Variants in THEMIS observed in about 807,000 individuals in gnomAD.
THEMIS encodes the protein protein THEMIS.
A neutral mutation model predicts 52.6 loss-of-function variants in THEMIS; 37 were observed. The observed-to-expected ratio is 0.70, with a 90% confidence interval of 0.54 to 0.93. THEMIS has a LOEUF of 0.93. Ranked by LOEUF, THEMIS falls within the 40% of genes least tolerant of loss-of-function variation. THEMIS has a pLI of 0.00. For missense variants in THEMIS, 808 were observed against 763.1 expected, an observed-to-expected ratio of 1.06 and a Z score of -0.69; for synonymous variants, 292 against 272.7, an observed-to-expected ratio of 1.07 and a Z score of -0.70.
chr6:127,702,646 C>A, the THEMIS span, among the ~76,000 whole-genome samples: 5 of 148,902 alleles, frequency 3.4e-5, no homozygotes, highest in African/African-American at 7.5e-5. Context: ...TCATATTAAT[C>A]ATTGTATTAG....
intron 1 of THEMIS, chr6:127,868,558 C>T: frequency 1.2e-6 from 1 of 802,346 alleles, no homozygotes; most frequent in Non-Finnish European, 1.5e-6. Context: ...TTAAAGTGAC[C>T]AGCTCAGGTG....
intron 4 of THEMIS, among the ~76,000 whole-genome samples, chr6:127,806,803 A>C (rs1777725013): frequency 6.6e-6 from 1 of 152,206 alleles, no homozygotes; most frequent in Non-Finnish European, 1.5e-5. Context: ...CAGAAGCACA[A>C]AAAGAGCTTG....
At chr6:127,777,145 A>G (rs1776592298) in intron 4 of THEMIS, among the ~76,000 whole-genome samples, 1 of 150,544 alleles carries the variant, frequency 6.6e-6, no homozygotes, top group Admixed American at 6.6e-5. Flanking sequence ...CATCTACATT[A>G]AAGTGGTTAT....
intron 4 of THEMIS, among the ~76,000 whole-genome samples, chr6:127,798,494 T>C (rs1472414094): frequency 2.0e-5 from 3 of 152,204 alleles, no homozygotes; most frequent in African/African-American, 7.2e-5. Flanking sequence ...AGTAGTTCTC[T>C]TTCTTCAGAT....
intron 4 of THEMIS, among the ~76,000 whole-genome samples, chr6:127,738,042 A>C (rs1173462481): frequency 6.6e-6 from 1 of 152,112 alleles, no homozygotes; most frequent in African/African-American, 2.4e-5. Context: ...GTTTTGTTCT[A>C]CTTATAACTA....
chr6:127,882,982 C>T (rs1049944604), intron 1 of THEMIS, among the ~76,000 whole-genome samples: 1 of 151,918 alleles, frequency 6.6e-6, no homozygotes, highest in Non-Finnish European at 1.5e-5. Flanking sequence ...TCATATAATA[C>T]ATAATTCACT....
rs551811954 is a variant in THEMIS, at chr6:127,733,082, G to A, written c.1759-13259C>T. Reference sequence around the variant, plus strand: ...AATTTGCATTTCCCAGATGACTGATGAGATTAAATAACTTTTCAATGTTAT... The same window carrying A: ...AATTTGCATTTCCCAGATGACTGATAAGATTAAATAACTTTTCAATGTTAT... On this transcript the variant is annotated intron_variant, in intron 4 of 5. Transcript: ENST00000368248. Among the ~76,000 whole-genome samples the A allele has an allele frequency of 3.9e-5, 6 of 152,276 alleles. 1 individual carries two copies. The highest frequency in any genetic ancestry group is 1.4e-4 in the African/African-American group (6 of 41,548).
chr6:127,854,168 G>A (rs1205256717), intron 2 of THEMIS, among the ~76,000 whole-genome samples: 1 of 151,706 alleles, frequency 6.6e-6, no homozygotes, highest in Non-Finnish European at 1.5e-5. Flanking sequence ...TACAGCAGAG[G>A]TCAGCAAACT....
intron 4 of THEMIS, among the ~76,000 whole-genome samples, chr6:127,810,808 T>C (rs1161122518): frequency 6.6e-6 from 1 of 151,858 alleles, no homozygotes; most frequent in South Asian, 2.1e-4. Flanking sequence ...CCAAAGAGAT[T>C]ATCTTCTTCT....
chr6:127,784,570 A>G (rs1583273801), intron 4 of THEMIS, among the ~76,000 whole-genome samples: 1 of 152,244 alleles, frequency 6.6e-6, no homozygotes, highest in East Asian at 1.9e-4. Context: ...TTCATACACG[A>G]CACAAAGCAG....
chr6:127,801,344 G>C (rs987429722), intron 4 of THEMIS, among the ~76,000 whole-genome samples: 10 of 152,116 alleles, frequency 6.6e-5, no homozygotes, highest in Non-Finnish European at 1.5e-4. Flanking sequence ...TGCTAAGATT[G>C]CCCTGAGTCT....
At chr6:127,841,944 G>A (rs765232083) in intron 2 of THEMIS, among the ~76,000 whole-genome samples, 6 of 151,922 alleles carry the variant, frequency 3.9e-5, no homozygotes, top group Non-Finnish European at 5.9e-5. Flanking sequence ...TGGAAAAATA[G>A]CCCCTGATTC....
chr6:127,755,961 AAATTGCAGTCAGCTGAGATCACACC>A (rs1308825195), intron 4 of THEMIS, among the ~76,000 whole-genome samples: 3 of 152,110 alleles, frequency 2.0e-5, no homozygotes, highest in African/African-American at 4.8e-5. Flanking sequence ...CAGGAGGCAG[AAATTGCAGTCAGCTGAGATCACACC>A]ACCGCACTCC....
At chr6:127,780,250 T>A (rs1776699230) in intron 4 of THEMIS, among the ~76,000 whole-genome samples, 2 of 152,224 alleles carry the variant, frequency 1.3e-5, no homozygotes, top group Non-Finnish European at 2.9e-5. Context: ...TCTCTTTGCT[T>A]GGTAAATATT....
At chr6:127,826,911 G>C (rs949401740) in intron 3 of THEMIS, among the ~76,000 whole-genome samples, 1 of 151,932 alleles carries the variant, frequency 6.6e-6, no homozygotes. Context: ...CAAGTTTCCA[G>C]AAACAAATAC....
At chr6:127,799,100 G>A (rs1005209440) in intron 4 of THEMIS, among the ~76,000 whole-genome samples, 17 of 152,126 alleles carry the variant, frequency 1.1e-4, no homozygotes, top group Non-Finnish European at 2.1e-4. Flanking sequence ...ATGTATAAAC[G>A]TGAGGCAAGG....
chr6:127,818,327 T>A (rs1778206611), intron 3 of THEMIS, among the ~76,000 whole-genome samples: 2 of 151,920 alleles, frequency 1.3e-5, no homozygotes. Flanking sequence ...TACGACCACA[T>A]CAACAGTGCT....
rs2114446486 is a variant in THEMIS, at chr6:127,709,755, C to A, written c.*230G>T. The A allele has an allele frequency of 2.5e-6, 1 of 406,158 alleles. No homozygotes were observed. The highest frequency in any genetic ancestry group is 4.4e-6 in the Non-Finnish European group (1 of 229,078). The allele number at this position is 406,158 out of a possible 1,614,324, so 25.2% of individuals were successfully genotyped here. On this transcript the variant is annotated 3_prime_UTR_variant, in exon 6 of 6. Coordinates refer to ENST00000368248, the MANE Select transcript of THEMIS (RefSeq NM_001010923.3). ...ATAAATACGTCCTAAAGAACAACAA[C>A]ACAATGCCTACAGATTTAGACACAA...
chr6:127,722,916 T>A (rs184571368), intron 4 of THEMIS, among the ~76,000 whole-genome samples: 31 of 152,160 alleles, frequency 2.0e-4, no homozygotes, highest in Admixed American at 2.0e-3. Context: ...GTCTGATTCA[T>A]CCCTGGATCT....
Sources: gnomAD v4.1 joint callset for allele counts (sites outside exome capture counted in the v4.1 genomes callset) on GRCh38, gnomAD v4.1.1 for gene constraint, MANE v1.5 for transcripts, NCBI Gene and HGNC (gene_info 2026-07-23, HGNC 2026-07-21) for gene names.